The following CNTNAP3B variants were observed in gnomAD, a reference collection of about 807,000 sequenced individuals.
The protein encoded by CNTNAP3B is contactin associated protein family member 3B, also known as contactin-associated protein-like 3B.
A neutral mutation model predicts 108.9 loss-of-function variants in CNTNAP3B; 25 were observed. The observed-to-expected ratio is 0.23, with a 90% confidence interval of 0.17 to 0.32. The LOEUF (loss-of-function observed/expected upper bound fraction) is 0.32. Ranked by LOEUF, CNTNAP3B falls within the 10% of genes least tolerant of loss-of-function variation. The pLI is 1.00. For synonymous variants in CNTNAP3B, 103 were observed against 473.4 expected (o/e 0.22, Z 10.16); for missense variants, 252 against 1,210.4 (o/e 0.21, Z 11.75).
chr9:42,124,265 A>AT (rs1292199711), intron 1 of CNTNAP3B, among the ~76,000 whole-genome samples: 1 of 129,568 alleles, frequency 7.7e-6, no homozygotes, highest in Non-Finnish European at 1.6e-5. Flanking sequence ...ACTTTATGAT[A>AT]TTTTTTAATT....
In CNTNAP3B at chr9:42,095,681, G is replaced by C. The variant is rs567002413; in HGVS notation, c.196+8948C>G. ...AGGAGCTGGAATTCTGGCTGATACA[G>C]AGACTGGAAGTAGTCACAACAGGTG... On this transcript the variant is annotated intron_variant, in intron 2 of 23. Transcript: ENST00000377561. 2.0e-4 allele frequency among the ~76,000 whole-genome samples: 28 copies of C among 139,244 alleles called. 2 individuals carry two copies. Among genetic ancestry groups the C allele is most frequent in the African/African-American group, 6.9e-4 (24 of 34,990 alleles). 91.3% of individuals were successfully genotyped at this position (139,244 alleles called of 152,430 possible). A position where few individuals can be genotyped will look rare whatever the true frequency, so the allele number is the denominator to read the frequency against.
intron 3 of CNTNAP3B, among the ~76,000 whole-genome samples, chr9:42,061,519 G>A (rs1827179324): frequency 8.0e-6 from 1 of 124,978 alleles, no homozygotes. Context: ...TCATCATGTT[G>A]TCCAGAATGG....
intron 9 of CNTNAP3B, among the ~76,000 whole-genome samples, chr9:41,981,995 G>A (rs1187570613): frequency 1.2e-5 from 1 of 86,464 alleles, no homozygotes. Flanking sequence ...CTTAAGCCTG[G>A]GAGGTTGAGG....
At chr9:41,964,176 C>T (rs1436101285) in intron 11 of CNTNAP3B, among the ~76,000 whole-genome samples, 1 of 152,222 alleles carries the variant, frequency 6.6e-6, no homozygotes, top group Non-Finnish European at 1.5e-5. Context: ...CTTTCTTTGA[C>T]TGAGAAGATT....
rs1249217175 is a variant in CNTNAP3B at position 41,919,356 on chromosome 9, C to T, written c.2995+714G>A. Among the ~76,000 whole-genome samples, 22 of 151,978 alleles carry T rather than the reference C, an allele frequency of 1.4e-4. No individual in the cohort carries two copies. In the South Asian group the frequency reaches 1.9e-3, roughly 13 times the overall value. On this transcript the variant is annotated intron_variant, in intron 18 of 23. Coordinates refer to ENST00000377561, the MANE Select transcript of CNTNAP3B (RefSeq NM_001201380.3). Reference sequence around the variant, plus strand: ...GTCTTGAATTCCTGACCTCGTGATCCGCCTGCCTTGGCCTCCCAAAGTGCT... The same window carrying T: ...GTCTTGAATTCCTGACCTCGTGATCTGCCTGCCTTGGCCTCCCAAAGTGCT...
chr9:42,055,096 T>C (rs1256850205), intron 3 of CNTNAP3B, among the ~76,000 whole-genome samples: 1 of 139,578 alleles, frequency 7.2e-6, no homozygotes, highest in Non-Finnish European at 1.5e-5. Flanking sequence ...GAAAAAGAAC[T>C]GCATTAAAAT....
intron 15 of CNTNAP3B, among the ~76,000 whole-genome samples, chr9:41,929,047 G>GA (rs1409554676): frequency 8.3e-5 from 12 of 145,408 alleles, no homozygotes; most frequent in Admixed American, 7.5e-4. Context: ...GATTGTTCTG[G>GA]AAAAAATACA....
chr9:41,966,582 G>T (rs1825282235), intron 10 of CNTNAP3B, among the ~76,000 whole-genome samples: 1 of 152,274 alleles, frequency 6.6e-6, no homozygotes, highest in Non-Finnish European at 1.5e-5. Context: ...TTGGAACGCA[G>T]CACAGGACTC....
chr9:41,925,813 C>G (rs1442434250), intron 15 of CNTNAP3B, among the ~76,000 whole-genome samples: 2 of 152,274 alleles, frequency 1.3e-5, no homozygotes, highest in African/African-American at 2.4e-5. Context: ...TCCCCTTTGT[C>G]ATAACAAAAT....
chr9:41,950,831 G>T (rs1341194491), intron 13 of CNTNAP3B, among the ~76,000 whole-genome samples: 3 of 141,822 alleles, frequency 2.1e-5, no homozygotes, highest in Non-Finnish European at 4.5e-5. Flanking sequence ...CGCCATCTCG[G>T]CTCACTGCAA....
At chr9:42,089,644 C>T (rs1827775989) in intron 2 of CNTNAP3B, among the ~76,000 whole-genome samples, 1 of 147,960 alleles carries the variant, frequency 6.8e-6, no homozygotes, top group Non-Finnish European at 1.5e-5. Context: ...TAAAAATATT[C>T]AGTAATTATT....
At chr9:41,919,194 G>T (rs1823601205) in intron 18 of CNTNAP3B, among the ~76,000 whole-genome samples, 1 of 151,848 alleles carries the variant, frequency 6.6e-6, no homozygotes. Flanking sequence ...GAGTGCAGTG[G>T]TGCGATCTCG....
intron 14 of CNTNAP3B, among the ~76,000 whole-genome samples, chr9:41,933,114 A>AT: frequency 1.3e-5 from 2 of 152,370 alleles, no homozygotes; most frequent in Non-Finnish European, 2.9e-5. Flanking sequence ...AACACTTGGC[A>AT]TTTTTTGGAA....
chr9:41,918,132 T>C (rs1823569337), intron 18 of CNTNAP3B, among the ~76,000 whole-genome samples: 1 of 150,614 alleles, frequency 6.6e-6, no homozygotes, highest in African/African-American at 2.5e-5. Context: ...AATGCCAGAG[T>C]ACCAGGTTTT....
chr9:42,125,530 G>A (rs1300701261), intron 1 of CNTNAP3B, among the ~76,000 whole-genome samples: 1 of 140,322 alleles, frequency 7.1e-6, no homozygotes, highest in African/African-American at 2.8e-5. Flanking sequence ...AGAATGCCAA[G>A]TAATTTGATT....
chr9:41,942,077 C>A (rs1247562292), intron 13 of CNTNAP3B, among the ~76,000 whole-genome samples: 6 of 152,408 alleles, frequency 3.9e-5, no homozygotes, highest in South Asian at 2.1e-4. Flanking sequence ...CCCCCTCTAC[C>A]CTTCTTTTCT....
chr9:41,955,923 T>C (rs1824843301), intron 12 of CNTNAP3B, among the ~76,000 whole-genome samples: 1 of 152,364 alleles, frequency 6.6e-6, no homozygotes, highest in East Asian at 1.9e-4. Context: ...TTTTAATACA[T>C]GTGACCTACT....
intron 14 of CNTNAP3B, among the ~76,000 whole-genome samples, chr9:41,930,994 C>G (rs1423247641): frequency 6.6e-6 from 1 of 152,226 alleles, no homozygotes; most frequent in Non-Finnish European, 1.5e-5. Context: ...CATGTATATT[C>G]TGATTTACAG....
In CNTNAP3B at chr9:42,118,152, G is replaced by C. The variant is rs1285988199; in HGVS notation, c.85+10858C>G. On this transcript the variant is annotated intron_variant, in intron 1 of 23. Transcript: ENST00000377561. The stretch of plus-strand genomic sequence containing the variant: ...AACTATTCCAATCAACAGAAAAAGA[G>C]GGAATCCTTCCTAACTCATTTTATG... 1.4e-5 allele frequency among the ~76,000 whole-genome samples: 2 copies of C among 139,230 alleles called. 1 individual carries two copies. The highest frequency in any genetic ancestry group is 3.1e-5 in the Non-Finnish European group (2 of 64,926). The allele number at this position is 139,230 out of a possible 152,430, so 91.3% of individuals were successfully genotyped here.
Sources: gnomAD v4.1 joint callset for allele counts (sites outside exome capture counted in the v4.1 genomes callset) on GRCh38, gnomAD v4.1.1 for gene constraint, MANE v1.5 for transcripts, NCBI Gene and HGNC (gene_info 2026-07-23, HGNC 2026-07-21) for gene names.